The following DNAAF4 variants were observed in gnomAD, a reference collection of about 807,000 sequenced individuals.
The protein encoded by DNAAF4 is dynein assembly factor 4, axonemal.
DNAAF4 carries 43 observed loss-of-function variants against 51.8 expected under a neutral mutation model. That is an observed-to-expected ratio of 0.83 (90% CI 0.65 to 1.07). The LOEUF (loss-of-function observed/expected upper bound fraction) is 1.07, where lower values mean the gene tolerates loss of function less well. DNAAF4 is among the 50% of genes least tolerant of loss of function. DNAAF4 has a pLI of 0.00. For synonymous variants in DNAAF4, 194 were observed against 165.6 expected (o/e 1.17, Z -1.32); for missense variants, 581 against 493.0 (o/e 1.18, Z -1.69).
Position 55,419,923 on chromosome 15 carries a change from A to G in DNAAF4, c.1048-1790T>C, listed in dbSNP as rs184537122. ...GAGGCTGAGGCAGGAGAATCACTTGAACCTGGGAGGTGGAGGTTGCAGTGA... is the reference window on the plus strand; with the variant it reads ...GAGGCTGAGGCAGGAGAATCACTTGGACCTGGGAGGTGGAGGTTGCAGTGA... On this transcript the variant is annotated intron_variant, in intron 7 of 7. Coordinates refer to the DNAAF4 transcript ENST00000448430. Among the ~76,000 whole-genome samples, 316 of 152,224 alleles carry G rather than the reference A, an allele frequency of 2.1e-3. 1 individual carries two copies. The highest frequency in any genetic ancestry group is 7.3e-3 in the African/African-American group (304 of 41,554).
At chr15:55,474,264 G>A (rs1460140982) in intron 4 of DNAAF4, among the ~76,000 whole-genome samples, 9 of 152,076 alleles carry the variant, frequency 5.9e-5, no homozygotes, top group Admixed American at 1.3e-4. Flanking sequence ...AGCTGGGCGC[G>A]ATGGCTCACG....
At chr15:55,496,799 ATGC>A (rs1278597496) in intron 3 of DNAAF4, among the ~76,000 whole-genome samples, 1 of 152,008 alleles carries the variant, frequency 6.6e-6, no homozygotes, top group East Asian at 1.9e-4. Flanking sequence ...ACCCCAAAAT[ATGC>A]TGCTTTCATA....
In DNAAF4 at chr15:55,498,488, T is replaced by C; in HGVS notation, c.-159A>G. On this transcript the variant is annotated 5_prime_UTR_variant, in exon 2 of 10. The change abolishes an upstream ATG in the 5' untranslated region. Transcript: ENST00000321149. Reference sequence around the variant, plus strand: ...CGGCGCCAGCACCTCGCGGACTCCATGCGTGACTATCCAGGCGCCCAGACC... The same window carrying C: ...CGGCGCCAGCACCTCGCGGACTCCACGCGTGACTATCCAGGCGCCCAGACC... 8 of 1,061,740 alleles carry C rather than the reference T, an allele frequency of 7.5e-6. No homozygotes were observed. The highest frequency in any genetic ancestry group is 6.8e-5 in the South Asian group (4 of 58,714). 65.8% of individuals were successfully genotyped at this position (1,061,740 alleles called of 1,614,324 possible). A position where few individuals can be genotyped will look rare whatever the true frequency, so the allele number is the denominator to read the frequency against.
rs796280737 is a variant in DNAAF4 at position 55,452,018 on chromosome 15, G to A, written c.638-1651C>T. ...TCCTAGCACTTCGGGATGCTGAGGCGGGTGGATCACTTGAGGTCAGGAGTT... is the reference window on the plus strand; with the variant it reads ...TCCTAGCACTTCGGGATGCTGAGGCAGGTGGATCACTTGAGGTCAGGAGTT... On this transcript the variant is annotated intron_variant, in intron 5 of 9. Transcript: ENST00000321149. Among the ~76,000 whole-genome samples the A allele has an allele frequency of 8.1e-4, 123 of 151,966 alleles. 1 individual carries two copies. The highest frequency in any genetic ancestry group is 2.9e-3 in the African/African-American group (119 of 41,486).
chr15:55,424,178 G>T (rs1216753322), intron 7 of DNAAF4, among the ~76,000 whole-genome samples: 1 of 152,056 alleles, frequency 6.6e-6, no homozygotes, highest in Non-Finnish European at 1.5e-5. Context: ...GTTATTGCAG[G>T]ACTGGGTTTA....
At chr15:55,446,406 C>T (rs2057816377) in intron 6 of DNAAF4, among the ~76,000 whole-genome samples, 1 of 147,512 alleles carries the variant, frequency 6.8e-6, no homozygotes, top group South Asian at 2.2e-4. Flanking sequence ...AGGCGCTCCT[C>T]ACTTCCCAGA....
intron 4 of DNAAF4, among the ~76,000 whole-genome samples, chr15:55,489,674 CAA>C (rs756823133): frequency 0.068 from 5,492 of 80,822 alleles, 335 homozygotes; most frequent in African/African-American, 0.2. Flanking sequence ...GACACCATTT[CAA>C]AAAAAAAAAA....
chr15:55,465,427 C>CAG (rs1167762507), intron 5 of DNAAF4, among the ~76,000 whole-genome samples: 2 of 149,214 alleles, frequency 1.3e-5, no homozygotes, highest in African/African-American at 4.9e-5. Flanking sequence ...CACACAGACA[C>CAG]ACATACAATC....
At chr15:55,442,865 C>T (rs1422191155) in intron 6 of DNAAF4, 1 of 1,612,416 alleles carries the variant, frequency 6.2e-7, no homozygotes, top group African/African-American at 1.3e-5. Flanking sequence ...CACATACCAA[C>T]AGTAGCATCA....
chr15:55,499,848 C>T (rs2058684716), intron 1 of DNAAF4, among the ~76,000 whole-genome samples: 1 of 152,182 alleles, frequency 6.6e-6, no homozygotes, highest in Non-Finnish European at 1.5e-5. Flanking sequence ...GAAACCTATA[C>T]ACAAACCATT....
At chr15:55,433,661 C>T (rs1465868538) in intron 8 of DNAAF4, among the ~76,000 whole-genome samples, 12 of 139,884 alleles carry the variant, frequency 8.6e-5, no homozygotes, top group Non-Finnish European at 1.8e-4. Context: ...CAAGCACTCA[C>T]CTAAATTTTT....
At chr15:55,467,773 A>C (rs2058191021) in intron 4 of DNAAF4, among the ~76,000 whole-genome samples, 1 of 152,184 alleles carries the variant, frequency 6.6e-6, no homozygotes, top group Non-Finnish European at 1.5e-5. Flanking sequence ...CTATGTTTGC[A>C]CTAGTAGTTG....
At position 55,477,669 on chromosome 15, in the gene DNAAF4, T is replaced by C; in HGVS notation, c.406-10508A>G. Among the ~76,000 whole-genome samples, 2 of 151,896 alleles carry C rather than the reference T, an allele frequency of 1.3e-5. 1 individual carries two copies. Among genetic ancestry groups the C allele is most frequent in the East Asian group, 3.9e-4 (2 of 5,190 alleles). On this transcript the variant is annotated intron_variant, in intron 4 of 9. Transcript: ENST00000321149. ...GTATGCGTGTGTGTGTGTATATATA[T>C]ATATACATATATACACATATATGTG...
intron 4 of DNAAF4, among the ~76,000 whole-genome samples, chr15:55,486,299 T>C (rs1331647292): frequency 6.6e-6 from 1 of 151,114 alleles, no homozygotes; most frequent in Non-Finnish European, 1.5e-5. Flanking sequence ...GTTCCAGCCA[T>C]TCTCCTGCCT....
intron 7 of DNAAF4, 47 bp downstream of exon 7, chr15:55,439,425 T>C (rs2141422586): frequency 6.7e-7 from 1 of 1,494,058 alleles, no homozygotes; most frequent in Non-Finnish European, 9.3e-7. Context: ...TAACTGCTAA[T>C]GTCTTCATAC....
chr15:55,479,059 C>T (rs1186761202), intron 4 of DNAAF4, among the ~76,000 whole-genome samples: 1 of 151,454 alleles, frequency 6.6e-6, no homozygotes, highest in Non-Finnish European at 1.5e-5. Context: ...AGTCTAAGTA[C>T]TGTCAGGGTA....
Position 55,498,439 on chromosome 15 carries a change from G to C in DNAAF4, c.-110C>G, listed in dbSNP as rs1462782927. The C allele has an allele frequency of 2.7e-5, 40 of 1,472,854 alleles. No individual in the cohort carries two copies. In the East Asian group the frequency reaches 9.2e-4, roughly 34 times the overall value. 91.2% of individuals were successfully genotyped at this position (1,472,854 alleles called of 1,614,324 possible). A position where few individuals can be genotyped will look rare whatever the true frequency, so the allele number is the denominator to read the frequency against. Reference sequence around the variant, plus strand: ...AGCCCTTCCGGGTCAGGCCGGCCGGGAGCCCGGCGTTCCCAGCGTGCTCCG... The same window carrying C: ...AGCCCTTCCGGGTCAGGCCGGCCGGCAGCCCGGCGTTCCCAGCGTGCTCCG... On this transcript the variant is annotated 5_prime_UTR_variant, in exon 2 of 10. Transcript: ENST00000321149.
intron 7 of DNAAF4, among the ~76,000 whole-genome samples, chr15:55,435,268 C>A (rs1378182801): frequency 8.7e-6 from 1 of 114,574 alleles, no homozygotes; most frequent in East Asian, 2.6e-4. Context: ...CAAGGGTAGA[C>A]ATTAGTAATT....
chr15:55,500,080 TTG>T (rs1237140535), intron 1 of DNAAF4, among the ~76,000 whole-genome samples: 1 of 152,132 alleles, frequency 6.6e-6, no homozygotes, highest in Non-Finnish European at 1.5e-5. Context: ...AACTGGGCCT[TTG>T]TGGAAATCTG....
Sources: allele counts gnomAD v4.1 joint callset (sites outside exome capture counted in the v4.1 genomes callset), GRCh38; gene constraint gnomAD v4.1.1; transcripts MANE v1.5; gene names NCBI Gene and HGNC (gene_info 2026-07-23, HGNC 2026-07-21).